The following CRISPLD2 variants were observed in gnomAD, a reference collection of about 807,000 sequenced individuals.
CRISPLD2 encodes the protein cysteine-rich secretory protein LCCL domain-containing 2.
In CRISPLD2, 47 loss-of-function variants were observed where a neutral mutation model predicts 71.1. The ratio of observed to expected loss-of-function variants is 0.66; its 90% CI spans 0.52 to 0.84. CRISPLD2 has a LOEUF of 0.84. CRISPLD2 is among the 40% of genes least tolerant of loss of function. CRISPLD2 has a pLI of 0.00. For missense variants in CRISPLD2, 830 were observed against 651.1 expected (o/e 1.27, Z -2.99); for synonymous variants, 317 against 250.1 (o/e 1.27, Z -2.52).
intron 6 of CRISPLD2, 44 bp downstream of exon 6, chr16:84,854,873 A>C (rs774135561): frequency 6.9e-7 from 1 of 1,440,400 alleles, no homozygotes; most frequent in East Asian, 2.3e-5. Flanking sequence ...ATTTGCCCTC[A>C]GTCTGAGTCA....
At position 84,824,933 on chromosome 16, in the gene CRISPLD2, A is replaced by G. The variant is rs561494231; in HGVS notation, c.-75+4800A>G. ...AGCCTGACCAACAAGGTGAAACCCC[A>G]TCTCTACTAAAAATACAAAAATTAG... On this transcript the variant is annotated intron_variant, in intron 1 of 14. Coordinates refer to ENST00000262424, the MANE Select transcript of CRISPLD2 (RefSeq NM_031476.4). Among the ~76,000 whole-genome samples the G allele has an allele frequency of 1.1e-4, 17 of 151,852 alleles. No individual in the cohort carries two copies. The South Asian group carries it at 2.3e-3, about 20-fold the overall frequency.
Position 84,906,628 on chromosome 16 carries a change from G to A in CRISPLD2, c.1480G>A (p.Ala494Thr). ...PRDGKAFRIF[A>T]VRQ ...GGATGGAAAGGCCTTCCGGATCTTT[G>A]CTGTCAGGCAGTGAATTTCCAGCAC... Residue 494 changes from alanine (A) to threonine (T), a missense_variant, in exon 15 of 15, where the codon GCT (alanine) becomes ACT (threonine). Ala to Thr is a moderately conservative substitution (Grantham distance 58). Coordinates refer to ENST00000262424, the MANE Select transcript of CRISPLD2 (RefSeq NM_031476.4). The A allele has an allele frequency of 1.2e-6, 2 of 1,613,998 alleles. No individual in the cohort carries two copies. The highest frequency in any genetic ancestry group is 1.7e-6 in the Non-Finnish European group (2 of 1,180,030).
intron 11 of CRISPLD2, 78 bp downstream of exon 11, chr16:84,874,041 C>T (rs199977299): frequency 2.5e-5 from 32 of 1,286,238 alleles, no homozygotes; most frequent in Middle Eastern, 3.8e-4. Flanking sequence ...TTCCTTTAGT[C>T]GCTGATTTAA....
At chr16:84,830,802 C>A (rs1916469550) in intron 1 of CRISPLD2, among the ~76,000 whole-genome samples, 2 of 152,054 alleles carry the variant, frequency 1.3e-5, no homozygotes, top group Non-Finnish European at 2.9e-5. Context: ...GTGGCCTCTG[C>A]TCTTGAGATT....
At chr16:84,830,049 G>A (rs181974825) in intron 1 of CRISPLD2, among the ~76,000 whole-genome samples, 207 of 152,330 alleles carry the variant, frequency 1.4e-3, no homozygotes, top group African/African-American at 4.8e-3. Flanking sequence ...CAGGGCCAGC[G>A]TAGTGGCTCA....
At chr16:84,832,527 G>C (rs941087303) in intron 1 of CRISPLD2, among the ~76,000 whole-genome samples, 16 of 152,264 alleles carry the variant, frequency 1.1e-4, no homozygotes, top group Non-Finnish European at 2.2e-4. Context: ...CTTAGACATC[G>C]ACGCTTCGGC....
rs776310093 is a variant in CRISPLD2, at chr16:84,872,524, C to T, written c.981+16C>T. 5 of 1,607,036 alleles carry T rather than the reference C, an allele frequency of 3.1e-6. No individual in the cohort carries two copies. In the South Asian group the frequency reaches 5.5e-5, roughly 18 times the overall value. Reference sequence around the variant, plus strand: ...CTATGAAAGCGTGAGTGTGGCCAGTCCTCCTCTCAATGGCTTGTGTGGGAT... The same window carrying T: ...CTATGAAAGCGTGAGTGTGGCCAGTTCTCCTCTCAATGGCTTGTGTGGGAT... On this transcript the variant is annotated intron_variant, in intron 9 of 14. Coordinates refer to ENST00000262424, the MANE Select transcript of CRISPLD2 (RefSeq NM_031476.4).
chr16:84,883,526 T>G (rs915818495), intron 13 of CRISPLD2, among the ~76,000 whole-genome samples: 1 of 152,336 alleles, frequency 6.6e-6, no homozygotes, highest in Middle Eastern at 3.4e-3. Context: ...CTTGGATACG[T>G]TCTCACACTT....
chr16:84,852,459 C>G (rs1053862891), intron 5 of CRISPLD2, among the ~76,000 whole-genome samples: 1 of 152,208 alleles, frequency 6.6e-6, no homozygotes, highest in Non-Finnish European at 1.5e-5. Context: ...CCCTGTACCC[C>G]CAAATGGTGT....
In CRISPLD2 at chr16:84,841,157, C is replaced by T. The variant is rs77310668; in HGVS notation, c.240+2422C>T. Among the ~76,000 whole-genome samples, 642 of 152,198 alleles carry T rather than the reference C, an allele frequency of 4.2e-3. 4 individuals are homozygous for T. The highest frequency in any genetic ancestry group is 0.015 in the African/African-American group (604 of 41,538). On this transcript the variant is annotated intron_variant, in intron 2 of 14. Coordinates refer to ENST00000262424, the MANE Select transcript of CRISPLD2 (RefSeq NM_031476.4). The stretch of plus-strand genomic sequence containing the variant: ...AAATACGGGGAGCTGCAAGAAAGAA[C>T]GTTAGGGGTGGAAGAATCCTGACTG...
At position 84,849,490 on chromosome 16, in the gene CRISPLD2, G is replaced by C; in HGVS notation, c.465G>C (p.Ser155=). 2 of 1,614,104 alleles carry C rather than the reference G, an allele frequency of 1.2e-6. No homozygotes were observed. Among genetic ancestry groups the C allele is most frequent in the African/African-American group, 1.3e-5 (1 of 75,054 alleles). ...ECNPWCPERC[S]GPMCTHYTQI... is the part of the protein sequence containing the mutation. The stretch of plus-strand genomic sequence containing the variant: ...ACCCCTGGTGTCCAGAGAGGTGCTC[G>C]GGGCCCATGTGCACGCACTACACAC... Residue 155 remains serine, a synonymous_variant, in exon 4 of 15, where the codon TCG becomes TCC. Transcript: ENST00000262424.
chr16:84,836,428 T>A (rs1466716), intron 1 of CRISPLD2: 11 of 152,258 alleles, frequency 7.2e-5, no homozygotes, highest in African/African-American at 2.4e-4. Context: ...TGCTTCCCAG[T>A]GGGACGAGTA....
intron 14 of CRISPLD2, among the ~76,000 whole-genome samples, chr16:84,904,368 G>A (rs928036438): frequency 3.9e-5 from 6 of 151,920 alleles, no homozygotes; most frequent in South Asian, 4.1e-4. Flanking sequence ...GGAGGATCAC[G>A]AAGTCAGGAG....
At chr16:84,843,752 C>T (rs968250105) in intron 2 of CRISPLD2, among the ~76,000 whole-genome samples, 2 of 152,214 alleles carry the variant, frequency 1.3e-5, no homozygotes, top group African/African-American at 4.8e-5. Flanking sequence ...GGGTCTGGCA[C>T]TTGGTTACAG....
intron 3 of CRISPLD2, among the ~76,000 whole-genome samples, chr16:84,847,392 C>G (rs1916943032): frequency 6.6e-6 from 1 of 152,186 alleles, no homozygotes; most frequent in South Asian, 2.1e-4. Context: ...TGGCTCATGC[C>G]TGTAATCCCA....
chr16:84,842,994 C>T (rs565810333), intron 2 of CRISPLD2, among the ~76,000 whole-genome samples: 5 of 152,262 alleles, frequency 3.3e-5, no homozygotes, highest in South Asian at 2.1e-4. Context: ...GTGGTCCTCC[C>T]GGTTTCATGC....
At chr16:84,849,201 T>C (rs1567686382) in intron 3 of CRISPLD2, 184 bp from the exon 4 acceptor site, 1 of 599,416 alleles carries the variant, frequency 1.7e-6, no homozygotes, top group Non-Finnish European at 2.9e-6. Flanking sequence ...TGGCTGCTCC[T>C]GGAATTGGGG....
chr16:84,829,427 C>T (rs1001992123), intron 1 of CRISPLD2, among the ~76,000 whole-genome samples: 2 of 152,152 alleles, frequency 1.3e-5, no homozygotes, highest in Admixed American at 6.5e-5. Context: ...TGGAGTACCC[C>T]TCCTTCCAGC....
chr16:84,885,005 A>C (rs1184054835), intron 13 of CRISPLD2, among the ~76,000 whole-genome samples: 4 of 152,218 alleles, frequency 2.6e-5, no homozygotes, highest in Non-Finnish European at 5.9e-5. Context: ...TGGCAGTGCG[A>C]GCAATGCTGA....
Sources: gnomAD v4.1 joint callset for allele counts (sites outside exome capture counted in the v4.1 genomes callset) on GRCh38, gnomAD v4.1.1 for gene constraint, MANE v1.5 for transcripts, NCBI Gene and HGNC (gene_info 2026-07-23, HGNC 2026-07-21) for gene names.